TG: variants seen among roughly 807,000 people sequenced by gnomAD.
TG encodes thyroid hormones.
A neutral mutation model predicts 324.7 loss-of-function variants in TG; 270 were observed. The ratio of observed to expected loss-of-function variants is 0.83; its 90% confidence interval spans 0.75 to 0.92. TG has a LOEUF of 0.92. Ranked by LOEUF, TG falls within the 40% of genes least tolerant of loss-of-function variation. TG has a pLI of 0.00. For synonymous variants in TG, 1,401 were observed against 1,327.0 expected, an observed-to-expected ratio of 1.06 and a Z score of -1.21; for missense variants, 3,591 against 3,456.4, an observed-to-expected ratio of 1.04 and a Z score of -0.98.
intron 5 of TG, among the ~76,000 whole-genome samples, chr8:132,874,270 T>C (rs1839761708): frequency 6.6e-6 from 1 of 152,252 alleles, no homozygotes; most frequent in Non-Finnish European, 1.5e-5. Context: ...GATATCATTA[T>C]ATTTGTGAAT....
intron 32 of TG, 147 bp downstream of exon 32, chr8:132,969,716 TCCTGAC>T: frequency 1.5e-6 from 1 of 661,358 alleles, no homozygotes; most frequent in South Asian, 1.7e-5. Flanking sequence ...ATCAAGACTA[TCCTGAC>T]CAACATGGTG....
intron 4 of TG, 27 bp from the exon 5 acceptor site, chr8:132,873,035 G>A (rs1040997066): frequency 6.2e-6 from 10 of 1,613,788 alleles, no homozygotes; most frequent in South Asian, 2.2e-5. Flanking sequence ...TCATATATAA[G>A]GATTTTTTTT....
At chr8:132,957,322 A>G (rs1432748619) in intron 27 of TG, among the ~76,000 whole-genome samples, 2 of 151,764 alleles carry the variant, frequency 1.3e-5, no homozygotes, top group African/African-American at 2.4e-5. Context: ...TGAACTTAAG[A>G]CAGCATATTT....
At chr8:133,046,054 G>A (rs1839323471) in intron 41 of TG, among the ~76,000 whole-genome samples, 2 of 152,198 alleles carry the variant, frequency 1.3e-5, no homozygotes, top group Admixed American at 1.3e-4. Flanking sequence ...AGCCTCGTTA[G>A]AGCAATGACC....
chr8:132,957,766 C>CACACACACACACAGAG (rs1554680121), intron 27 of TG, among the ~76,000 whole-genome samples: 1 of 145,492 alleles, frequency 6.9e-6, no homozygotes, highest in Non-Finnish European at 1.5e-5. Context: ...CACACACACA[C>CACACACACACACAGAG]ACACACACAC....
At chr8:132,899,360 T>G (rs1301503286) in intron 14 of TG, among the ~76,000 whole-genome samples, 1 of 152,220 alleles carries the variant, frequency 6.6e-6, no homozygotes, top group African/African-American at 2.4e-5. Flanking sequence ...AGCGAAGTAC[T>G]GATGTAGAGC....
At chr8:132,918,136 G>A (rs1364155754) in intron 20 of TG, among the ~76,000 whole-genome samples, 1 of 152,038 alleles carries the variant, frequency 6.6e-6, no homozygotes, top group Non-Finnish European at 1.5e-5. Context: ...AAGACTTGAC[G>A]TCAGAGACGG....
At chr8:132,969,778 G>A (rs537970009) in intron 32 of TG, among the ~76,000 whole-genome samples, 1 of 152,098 alleles carries the variant, frequency 6.6e-6, no homozygotes, top group South Asian at 2.1e-4. Context: ...GGGCATGGTG[G>A]CGGCACATGC....
intron 11 of TG, among the ~76,000 whole-genome samples, chr8:132,896,182 T>C (rs1437800329): frequency 6.6e-6 from 1 of 152,234 alleles, no homozygotes; most frequent in South Asian, 2.1e-4. Flanking sequence ...TAGGTGAGTG[T>C]TAGACCCATT....
intron 28 of TG, among the ~76,000 whole-genome samples, chr8:132,962,116 GTGA>G (rs1378419659): frequency 1.3e-5 from 2 of 152,224 alleles, no homozygotes; most frequent in Non-Finnish European, 2.9e-5. Context: ...TGGTGATGAA[GTGA>G]AGAAGGAAGG....
At chr8:133,013,515 A>T (rs1834716827) in intron 36 of TG, 85 bp from the exon 37 acceptor site, 1 of 1,534,304 alleles carries the variant, frequency 6.5e-7, no homozygotes, top group Admixed American at 1.7e-5. Flanking sequence ...GGATGAGTGG[A>T]TGGTTGGATG....
intron 35 of TG, among the ~76,000 whole-genome samples, chr8:132,996,311 T>A (rs1343850641): frequency 6.6e-6 from 1 of 152,228 alleles, no homozygotes; most frequent in Non-Finnish European, 1.5e-5. Flanking sequence ...TATTAACTAA[T>A]TGACTCAATA....
Position 132,933,678 on chromosome 8 carries a change from T to A in TG, c.4932+2T>A. The A allele has an allele frequency of 6.2e-7, 1 of 1,613,810 alleles. No homozygotes were observed. Among genetic ancestry groups the A allele is most frequent in the Non-Finnish European group, 8.5e-7 (1 of 1,179,756 alleles). ...GTTGCCTGCATGACTTCTGACCAGG[T>A]GAGGTGGGGCAGCCACGTGTGGTTC... On this transcript the variant is annotated splice_donor_variant, in intron 24 of 47. Coordinates refer to ENST00000220616, the MANE Select transcript of TG (RefSeq NM_003235.5). LOFTEE classifies it high-confidence loss of function.
intron 43 of TG, chr8:133,102,440 G>T: frequency 1.1e-6 from 1 of 911,096 alleles, no homozygotes; most frequent in Admixed American, 2.3e-5. Flanking sequence ...ACCAAAGACG[G>T]AGGGTGGGTA....
chr8:132,999,725 C>T (rs1228929706), intron 35 of TG, among the ~76,000 whole-genome samples: 1 of 152,146 alleles, frequency 6.6e-6, no homozygotes, highest in East Asian at 1.9e-4. Flanking sequence ...GCTGGTGAGG[C>T]CTACAATATT....
chr8:132,988,587 A>G (rs1025540738), intron 35 of TG: 1 of 475,936 alleles, frequency 2.1e-6, no homozygotes, highest in East Asian at 1.5e-4. Context: ...AGTGAGGACA[A>G]TTATATCAAC....
At position 132,880,522 on chromosome 8, in the gene TG, G is replaced by A. The variant is rs1049432207; in HGVS notation, c.639-1341G>A. ...GTTTTTAATATTTGTTATGCAACAC[G>A]CTTACTGTAACATTCTGTTTAACAC... On this transcript the variant is annotated intron_variant, in intron 5 of 47. Coordinates refer to ENST00000220616, the MANE Select transcript of TG (RefSeq NM_003235.5). 1.8e-4 allele frequency among the ~76,000 whole-genome samples: 27 copies of A among 152,224 alleles called. 1 individual carries two copies. Among genetic ancestry groups the A allele is most frequent in the African/African-American group, 6.3e-4 (26 of 41,534 alleles).
chr8:133,014,029 T>C (rs909733896), intron 37 of TG, among the ~76,000 whole-genome samples: 2 of 152,370 alleles, frequency 1.3e-5, no homozygotes, highest in African/African-American at 2.4e-5. Flanking sequence ...CTTTTTATTA[T>C]GGTTTTGTAG....
chr8:132,901,978 T>C (rs1817993492), intron 16 of TG, among the ~76,000 whole-genome samples: 2 of 152,190 alleles, frequency 1.3e-5, no homozygotes, highest in African/African-American at 2.4e-5. Context: ...TTAGTGAATG[T>C]CAAATATTGA....
Sources: gnomAD v4.1 joint callset for allele counts (sites outside exome capture counted in the v4.1 genomes callset) on GRCh38, gnomAD v4.1.1 for gene constraint, MANE v1.5 for transcripts, NCBI Gene and HGNC (gene_info 2026-07-23, HGNC 2026-07-21) for gene names.